CLCN6: variants seen among roughly 807,000 people sequenced by gnomAD.
The protein encoded by CLCN6 is Cl-/H+ antiporter 6.
Under a neutral mutation model 109.8 loss-of-function variants are expected in CLCN6, and 70 were observed. The ratio of observed to expected loss-of-function variants is 0.64; its 90% CI spans 0.53 to 0.78. The LOEUF (loss-of-function observed/expected upper bound fraction) is 0.78. CLCN6 is among the 30% of genes least tolerant of loss of function. CLCN6 has a pLI of 0.00. For synonymous variants in CLCN6, 444 were observed against 447.8 expected, an observed-to-expected ratio of 0.99 and a Z score of 0.11; for missense variants, 984 against 1,142.3, an observed-to-expected ratio of 0.86 and a Z score of 2.00.
Position 11,833,578 on chromosome 1 carries a change from A to G in CLCN6, c.1312A>G (p.Met438Val). 1 of 1,613,922 alleles carries G rather than the reference A, an allele frequency of 6.2e-7. No homozygotes were observed. The highest frequency in any genetic ancestry group is 8.5e-7 in the Non-Finnish European group (1 of 1,179,888). The stretch of plus-strand genomic sequence containing the variant: ...TTGTCCCAATGATACCTACAATGAC[A>G]TGGCCACACTCTTCTTCAACCCGCA... ...FFCPNDTYND[M>V]ATLFFNPQES... Residue 438 changes from methionine (M) to valine (V), a missense_variant, in exon 14 of 23, where the codon ATG becomes GTG. Transcript: ENST00000346436.
At chr1:11,839,061 CTTTCCTT>C (rs900652230) in intron 22 of CLCN6, 2 of 596,732 alleles carry the variant, frequency 3.4e-6, no homozygotes, top group African/African-American at 3.7e-5. Flanking sequence ...TTGCTGCAGA[CTTTCCTT>C]TTTTCTTCTT....
chr1:11,823,957 T>C (rs908783688), intron 7 of CLCN6, 124 bp downstream of exon 7: 150 of 1,235,652 alleles, frequency 1.2e-4, no homozygotes, highest in Non-Finnish European at 1.6e-4. Flanking sequence ...TGTCTGCACT[T>C]TTTGTTGATG....
At position 11,822,696 on chromosome 1, in the gene CLCN6, G is replaced by T; in HGVS notation, c.348G>T (p.Ser116=). The part of the protein sequence containing the change: ...TQLKFGVVQT[S]VEECSQKGCL... ...GTTTCCTTAACCCAGTTTCCGCAGC[G>T]GTGGAGGAGTGCAGCCAGAAAGGCT... is the stretch of plus-strand genomic sequence containing the variant. The change falls in exon 6 of 23, where the codon TCG becomes TCT. Residue 116 remains serine, a splice_region_variant and synonymous_variant. Transcript: ENST00000346436. 1 of 1,606,734 alleles carries T rather than the reference G, an allele frequency of 6.2e-7. No homozygotes were observed. The highest frequency in any genetic ancestry group is 8.5e-7 in the Non-Finnish European group (1 of 1,173,492).
intron 4 of CLCN6, 139 bp from the exon 5 acceptor site, chr1:11,819,349 G>A: frequency 2.6e-6 from 2 of 754,864 alleles, no homozygotes; most frequent in Non-Finnish European, 4.8e-6. Context: ...TTTCTGCTGT[G>A]CATTCACGTA....
rs566545688 is a variant in CLCN6, at chr1:11,842,124, C to A, written c.*1901C>A. 6.6e-6 allele frequency: 1 copy of A among 152,286 alleles called. No individual in the cohort carries two copies. The highest frequency in any genetic ancestry group is 2.4e-5 in the African/African-American group (1 of 41,562). The allele number at this position is 152,286 out of a possible 1,614,324, so 9.4% of individuals were successfully genotyped here. A position where few individuals can be genotyped will look rare whatever the true frequency, so the allele number is the denominator to read the frequency against. On this transcript the variant is annotated 3_prime_UTR_variant, in exon 23 of 23. Transcript: ENST00000346436. The stretch of plus-strand genomic sequence containing the variant: ...GATCACCTGTCACAGACACTTTGTC[C>A]CCTCTCCCCGCCCCTTCCTGGAGCT...
chr1:11,828,511 C>T lies in CLCN6; in HGVS notation c.1008C>T (p.Phe336=), dbSNP rs1274541723. 1 of 1,614,186 alleles carries T rather than the reference C, an allele frequency of 6.2e-7. No homozygotes were observed. Among genetic ancestry groups the T allele is most frequent in the Non-Finnish European group, 8.5e-7 (1 of 1,180,038 alleles). The part of the protein sequence containing the change: ...CHLWTAMDLG[F]FVVMGVIGGL... ...TCTGGACAGCTATGGATTTGGGTTT[C>T]TTCGTCGTGATGGGGGTCATTGGGG... The change falls in exon 12 of 23, where the codon TTC becomes TTT. Residue 336 remains phenylalanine (F), a synonymous_variant. Coordinates refer to ENST00000346436, the MANE Select transcript of CLCN6 (RefSeq NM_001286.5).
intron 4 of CLCN6, among the ~76,000 whole-genome samples, chr1:11,817,219 A>C (rs1644684829): frequency 6.6e-6 from 1 of 151,940 alleles, no homozygotes; most frequent in Non-Finnish European, 1.5e-5. Context: ...CAGCCTCCCG[A>C]GTGGTTAGGA....
rs1644717223 is a variant in CLCN6, at chr1:11,819,636, A to G, written c.346+82A>G. 3.3e-6 allele frequency: 4 copies of G among 1,222,252 alleles called. No individual in the cohort carries two copies. In the South Asian group the frequency reaches 4.8e-5, roughly 15 times the overall value. 75.7% of individuals were successfully genotyped at this position (1,222,252 alleles called of 1,614,324 possible). On this transcript the variant is annotated intron_variant, in intron 5 of 22. Coordinates refer to ENST00000346436, the MANE Select transcript of CLCN6 (RefSeq NM_001286.5). ...CTTACATAGAAATGGGTCTAACAGT[A>G]AGCATAGTATTAGAAGGGCCGCTTA...
intron 12 of CLCN6, 138 bp from the exon 13 acceptor site, chr1:11,829,058 A>G (rs1360012138): frequency 2.1e-6 from 2 of 964,450 alleles, no homozygotes; most frequent in Non-Finnish European, 3.1e-6. Flanking sequence ...TCAATTCTGC[A>G]CACATGTTGA....
chr1:11,825,697 A>G (rs1644802851), intron 8 of CLCN6, among the ~76,000 whole-genome samples: 1 of 152,136 alleles, frequency 6.6e-6, no homozygotes, highest in African/African-American at 2.4e-5. Context: ...ATCTCTGCTC[A>G]CTACAGCCTC....
chr1:11,810,241 T>C (rs144331435), intron 2 of CLCN6, among the ~76,000 whole-genome samples: 137 of 152,326 alleles, frequency 9.0e-4, no homozygotes, highest in African/African-American at 2.5e-3. Flanking sequence ...ATTTAGGGTC[T>C]TACAAAATGT....
intron 2 of CLCN6, among the ~76,000 whole-genome samples, chr1:11,812,664 T>TTGTGTGTG (rs61487985): frequency 0.031 from 3,994 of 126,942 alleles, 124 homozygotes; most frequent in Non-Finnish European, 0.039. Flanking sequence ...CAAAGTATGT[T>TTGTGTGTG]TGTGTGTGTG....
chr1:11,810,059 A>T (rs981844022), intron 2 of CLCN6, among the ~76,000 whole-genome samples: 2 of 152,238 alleles, frequency 1.3e-5, no homozygotes, highest in Non-Finnish European at 2.9e-5. Context: ...ATGTAGAAGG[A>T]TATTTAGTAA....
chr1:11,812,353 G>A (rs1192096836), intron 2 of CLCN6, among the ~76,000 whole-genome samples: 1 of 152,212 alleles, frequency 6.6e-6, no homozygotes, highest in Non-Finnish European at 1.5e-5. Flanking sequence ...CCCTCTCCAG[G>A]CACGCTACCC....
At chr1:11,827,430 CTTTTTTTTTTT>C (rs59015951) in intron 10 of CLCN6, among the ~76,000 whole-genome samples, 3 of 105,020 alleles carry the variant, frequency 2.9e-5, no homozygotes, top group East Asian at 5.2e-4. Flanking sequence ...ACCGCTGTTA[CTTTTTTTTTTT>C]TTTTTTTTTT....
chr1:11,810,962 C>T (rs533119875), intron 2 of CLCN6, among the ~76,000 whole-genome samples: 8 of 152,208 alleles, frequency 5.3e-5, no homozygotes, highest in Admixed American at 2.6e-4. Flanking sequence ...CTGTTACCCC[C>T]ACACTTTAGG....
In CLCN6 at chr1:11,842,591, G is replaced by C. The variant is rs41300098; in HGVS notation, c.*2368G>C. ...AGTGATCAGTCGCCTCAGTAAAGCA[G>C]ATCTGTGGATGGGGAGCCTACGGGT... On this transcript the variant is annotated 3_prime_UTR_variant, in exon 23 of 23. Transcript: ENST00000346436. 0.018 allele frequency: 2,793 copies of C among 152,844 alleles called. 49 individuals carry two copies. The highest frequency in any genetic ancestry group is 0.026 in the Non-Finnish European group (1,802 of 68,078). The allele number at this position is 152,844 out of a possible 1,614,324, so 9.5% of individuals were successfully genotyped here.
rs1012454023 is a variant in CLCN6 at position 11,837,299 on chromosome 1, C to T, written c.2139-44C>T. On this transcript the variant is annotated intron_variant, in intron 19 of 22. Coordinates refer to ENST00000346436, the MANE Select transcript of CLCN6 (RefSeq NM_001286.5). ...GCTGGGAACATGGATCAGAAGCGCT[C>T]CCGCTGAGGGTATCCCAGGCAGCAT... The T allele has an allele frequency of 3.1e-6, 5 of 1,595,108 alleles. No individual in the cohort carries two copies. The African/African-American group carries it at 5.4e-5, about 17-fold the overall frequency.
chr1:11,827,101 CTT>C lies in CLCN6; in HGVS notation c.722_723del (p.Phe241CysfsTer77). ...CTCCTCTCCTCAGAGACAAGAGAGA[CTT>C]TGTATCAGCAGGAGCGGCTGCTGGA... ...YFRSDRDKRD[F>X]VSAGAAAGVA... On this transcript the variant is annotated frameshift_variant, in exon 10 of 23. Coordinates refer to ENST00000346436, the MANE Select transcript of CLCN6 (RefSeq NM_001286.5). LOFTEE classifies it high-confidence loss of function. 6.2e-7 allele frequency: 1 copy of C among 1,613,874 alleles called. No individual in the cohort carries two copies. The highest frequency in any genetic ancestry group is 8.5e-7 in the Non-Finnish European group (1 of 1,179,878).
Sources: gnomAD v4.1 joint callset for allele counts (sites outside exome capture counted in the v4.1 genomes callset) on GRCh38, gnomAD v4.1.1 for gene constraint, MANE v1.5 for transcripts, NCBI Gene and HGNC (gene_info 2026-07-23, HGNC 2026-07-21) for gene names.